Variants in NGB observed in about 807,000 individuals in gnomAD.
NGB encodes the protein nitrite reductase.
A neutral mutation model predicts 17.3 loss-of-function variants in NGB; 12 were observed. That is an observed-to-expected ratio of 0.69 (90% confidence interval 0.45 to 1.13). The LOEUF is 1.13. Ranked by LOEUF, NGB falls within the 50% of genes most tolerant of loss-of-function variation. NGB has a pLI of 0.00. For synonymous variants in NGB, 87 were observed against 81.0 expected (o/e 1.07, Z -0.40); for missense variants, 195 against 191.7 (o/e 1.02, Z -0.10).
rs542236103 is a variant in NGB at position 77,270,013 on chromosome 14, G to T, written c.90-687C>A. 2.8e-3 allele frequency among the ~76,000 whole-genome samples: 420 copies of T among 151,936 alleles called. 1 individual carries two copies. The highest frequency in any genetic ancestry group is 3.6e-3 in the Non-Finnish European group (243 of 67,946). Reference sequence around the variant, plus strand: ...TGCCTGAGAAAAAAGTGAGCTGGGGGGAGTCCGGAGGCAGAAGCAGAGGCC... The same window carrying T: ...TGCCTGAGAAAAAAGTGAGCTGGGGTGAGTCCGGAGGCAGAAGCAGAGGCC... On this transcript the variant is annotated intron_variant, in intron 1 of 3. Transcript: ENST00000298352.
intron 1 of NGB, 128 bp from the exon 2 acceptor site, chr14:77,269,454 C>T (rs1194312360): frequency 1.6e-5 from 10 of 616,762 alleles, no homozygotes; most frequent in Non-Finnish European, 3.0e-5. Flanking sequence ...ACAGCTGACT[C>T]TCCCACCTGG....
Position 77,266,580 on chromosome 14 carries a change from C to T in NGB, c.412G>A (p.Gly138Arg), listed in dbSNP as rs143417735. ...CGACTCATGGCCTGCACTACGGCCC[C>T]GTAGAGTTGGCTCCAGGCAGCCCGT... The part of the protein sequence containing the change: ...ATRAAWSQLY[G>R]AVVQAMSRGW... The change falls in exon 4 of 4, where the codon GGG (glycine) becomes AGG (arginine). Residue 138 changes from glycine to arginine, a missense_variant. Physicochemically the swap from Gly to Arg is moderately radical, Grantham distance 125. Transcript: ENST00000298352. 2.5e-3 allele frequency: 4,058 copies of T among 1,614,148 alleles called. 14 individuals carry two copies. Among genetic ancestry groups the T allele is most frequent in the Non-Finnish European group, 2.7e-3 (3,173 of 1,180,022 alleles).
chr14:77,266,697 C>T lies in NGB; in HGVS notation c.322-27G>A, dbSNP rs766463396. On this transcript the variant is annotated intron_variant, in intron 3 of 3. Transcript: ENST00000298352. ...TGCAGAGGCAAGGGGCACCTTGTCA[C>T]TTCCAAAGGCAGAAAGGCACTGCTC... 3.7e-6 allele frequency: 6 copies of T among 1,609,804 alleles called. No individual in the cohort carries two copies. The Admixed American group carries it at 1.0e-4, about 27-fold the overall frequency.
At position 77,266,652 on chromosome 14, in the gene NGB, G is replaced by T. The variant is rs1264735221; in HGVS notation, c.340C>A (p.Leu114Ile). ...CCCAGACACTTCTCCAGCATGTAGA[G>T]CAGAGACTCACCCACTGTCTGCAGA... ...SSFSTVGESL[L>I]YMLEKCLGPA... The change falls in exon 4 of 4, where the codon CTC becomes ATC. Residue 114 changes from leucine (L) to isoleucine (I), a missense_variant. Physicochemically the swap from Leu to Ile is conservative, Grantham distance 5 (BLOSUM62 2). Transcript: ENST00000298352. 1.2e-6 allele frequency: 2 copies of T among 1,614,030 alleles called. No individual in the cohort carries two copies. Among genetic ancestry groups the T allele is most frequent in the South Asian group, 2.2e-5 (2 of 91,054 alleles).
chr14:77,269,655 A>C (rs1889725739), intron 1 of NGB, among the ~76,000 whole-genome samples: 1 of 144,380 alleles, frequency 6.9e-6, no homozygotes, highest in Non-Finnish European at 1.5e-5. Context: ...CGTTGTGTGG[A>C]GAGGAAAGCC....
intron 2 of NGB, 125 bp from the exon 3 acceptor site, chr14:77,268,710 C>T (rs1289134009): frequency 2.2e-6 from 3 of 1,363,182 alleles, no homozygotes; most frequent in Non-Finnish European, 3.0e-6. Flanking sequence ...TCTCCAAGAT[C>T]AGGGGTCAAA....
rs1594876505 is a variant in NGB, at chr14:77,269,263, G to A, written c.153C>T (p.Ser51=). Residue 51 remains serine, a synonymous_variant, in exon 2 of 4, where the codon AGC becomes AGT. Transcript: ENST00000298352. ...CAGGCGAGGAGAGACAGTCCTCTGG[G>A]CTGGAGAACTGGCGGCAGTTGTACT... ...LFQYNCRQFS[S]PEDCLSSPEF... 1 of 1,551,882 alleles carries A rather than the reference G, an allele frequency of 6.4e-7. No homozygotes were observed. Among genetic ancestry groups the A allele is most frequent in the Non-Finnish European group, 8.7e-7 (1 of 1,146,988 alleles).
intron 3 of NGB, among the ~76,000 whole-genome samples, chr14:77,267,017 T>C (rs1468344801): frequency 6.6e-6 from 1 of 152,204 alleles, no homozygotes; most frequent in African/African-American, 2.4e-5. Flanking sequence ...AAGGCAGCAA[T>C]GATGGGGTTA....
intron 1 of NGB, among the ~76,000 whole-genome samples, chr14:77,269,792 T>A (rs924471126): frequency 3.2e-5 from 1 of 31,208 alleles, no homozygotes; most frequent in East Asian, 7.5e-4. Context: ...TCCCTCTCCC[T>A]CTCCCCCCCC....
rs1889675894 is a variant in NGB at position 77,266,630 on chromosome 14, A to C, written c.362T>G (p.Leu121Arg). Residue 121 changes from leucine (L) to arginine (R), a missense_variant, in exon 4 of 4, where the codon CTG becomes CGG. Physicochemically the swap from Leu to Arg is moderately radical, Grantham distance 102. Transcript: ENST00000298352. ...TGTGGCTGGTGTGAAGGCAGGGCCCAGACACTTCTCCAGCATGTAGAGCAG... is the reference window on the plus strand; with the variant it reads ...TGTGGCTGGTGTGAAGGCAGGGCCCCGACACTTCTCCAGCATGTAGAGCAG... ...ESLLYMLEKC[L>R]GPAFTPATRA... 1 of 1,614,006 alleles carries C rather than the reference A, an allele frequency of 6.2e-7. No individual in the cohort carries two copies. The highest frequency in any genetic ancestry group is 1.7e-5 in the Admixed American group (1 of 60,012).
intron 3 of NGB, among the ~76,000 whole-genome samples, chr14:77,267,930 C>T (rs1279914521): frequency 1.3e-5 from 2 of 152,238 alleles, no homozygotes; most frequent in African/African-American, 4.8e-5. Flanking sequence ...CACTTTCACA[C>T]TGGGGCTTGT....
At chr14:77,270,340 G>A (rs28988619) in intron 1 of NGB, among the ~76,000 whole-genome samples, 3 of 151,684 alleles carry the variant, frequency 2.0e-5, no homozygotes, top group Non-Finnish European at 2.9e-5. Flanking sequence ...CTCTTTCCTC[G>A]GAAAGGTTTG....
intron 1 of NGB, among the ~76,000 whole-genome samples, chr14:77,269,664 C>T (rs1385112382): frequency 1.5e-5 from 2 of 135,706 alleles, no homozygotes; most frequent in Admixed American, 8.0e-5. Context: ...GAGAGGAAAG[C>T]CCTTTCTCTC....
Position 77,270,928 on chromosome 14 carries a change from G to A in NGB, c.10C>T (p.Pro4Ser), listed in dbSNP as rs1213401291. The change falls in exon 1 of 4, where the codon CCG becomes TCG. Residue 4 changes from proline (P) to serine (S), a missense_variant. Coordinates refer to ENST00000298352, the MANE Select transcript of NGB (RefSeq NM_021257.4). MER[P>S]EPELIRQSWR... ...CTCTGCCGGATCAGCTCGGGCTCCG[G>A]GCGCTCCATGCTGTCCCGGGGACGC... The A allele has an allele frequency of 1.3e-6, 2 of 1,555,124 alleles. No homozygotes were observed. Among genetic ancestry groups the A allele is most frequent in the South Asian group, 1.2e-5 (1 of 85,874 alleles).
At chr14:77,269,726 CT>C (rs377534154) in intron 1 of NGB, among the ~76,000 whole-genome samples, 330 of 3,198 alleles carry the variant, frequency 0.1, 91 homozygotes, top group Non-Finnish European at 0.14. Flanking sequence ...CTCTCTCTCT[CT>C]TCTCTCTCTC....
intron 2 of NGB, 104 bp downstream of exon 2, chr14:77,269,111 G>T: frequency 1.4e-6 from 1 of 719,412 alleles, no homozygotes; most frequent in Admixed American, 2.3e-5. Context: ...GGAACTGGAA[G>T]GGAGTAAGAC....
rs772214448 is a variant in NGB at position 77,266,179 on chromosome 14, C to G, written c.*357G>C. ...CTTGGCCTGCACTCACCTGAAGAAG[C>G]AGGACAGACAGAAGAGCCCCATCCT... On this transcript the variant is annotated 3_prime_UTR_variant, in exon 4 of 4. Transcript: ENST00000298352. 2 of 556,462 alleles carry G rather than the reference C, an allele frequency of 3.6e-6. No homozygotes were observed. The highest frequency in any genetic ancestry group is 2.8e-5 in the South Asian group (2 of 71,680). 34.5% of individuals were successfully genotyped at this position (556,462 alleles called of 1,614,324 possible).
chr14:77,268,113 A>G (rs28988622), intron 3 of NGB, among the ~76,000 whole-genome samples: 4,648 of 152,330 alleles, frequency 0.031, 98 homozygotes, highest in Middle Eastern at 0.071. Context: ...CAGCTACACC[A>G]TGTGGAGCAG....
At position 77,270,919 on chromosome 14, in the gene NGB, C is replaced by A. The variant is rs1031918023; in HGVS notation, c.19G>T (p.Glu7Ter). The A allele has an allele frequency of 6.4e-7, 1 of 1,560,994 alleles. No individual in the cohort carries two copies. Among genetic ancestry groups the A allele is most frequent in the Admixed American group, 1.8e-5 (1 of 56,554 alleles). Residue 7 changes from glutamate to a stop codon, truncating the protein, a stop_gained, in exon 1 of 4, where the codon GAG becomes TAG. Transcript: ENST00000298352. LOFTEE classifies it high-confidence loss of function. The stretch of plus-strand genomic sequence containing the variant: ...GCCCGCCAGCTCTGCCGGATCAGCT[C>A]GGGCTCCGGGCGCTCCATGCTGTCC... MERPEP[E>*]LIRQSWRAVS...
Sources: allele counts gnomAD v4.1 joint callset (sites outside exome capture counted in the v4.1 genomes callset), GRCh38; gene constraint gnomAD v4.1.1; transcripts MANE v1.5; gene names NCBI Gene and HGNC (gene_info 2026-07-23, HGNC 2026-07-21).